Variants in ZSWIM6 observed in about 807,000 individuals in gnomAD.
ZSWIM6 encodes zinc finger SWIM domain-containing protein 6.
In ZSWIM6, 9 loss-of-function variants were observed where a neutral mutation model predicts 113.2. The observed-to-expected ratio is 0.08, with a 90% confidence interval of 0.05 to 0.14. The LOEUF is 0.14. Ranked by LOEUF, ZSWIM6 falls within the 10% of genes least tolerant of loss-of-function variation. ZSWIM6 has a pLI of 1.00. For missense variants in ZSWIM6, 1,162 were observed against 1,552.2 expected (o/e 0.75, Z 4.22); for synonymous variants, 611 against 606.5 (o/e 1.01, Z -0.11).
chr5:61,514,829 G>A (rs1001996366), intron 4 of ZSWIM6, among the ~76,000 whole-genome samples: 15 of 152,080 alleles, frequency 9.9e-5, no homozygotes, highest in African/African-American at 3.6e-4. Flanking sequence ...ATCTGCAGTT[G>A]AGCCTACTTG....
intron 1 of ZSWIM6, among the ~76,000 whole-genome samples, chr5:61,427,536 T>C (rs1424954709): frequency 1.3e-5 from 2 of 152,160 alleles, no homozygotes; most frequent in Admixed American, 1.3e-4. Flanking sequence ...TGGAGTGTAG[T>C]GGCATGTTTG....
rs572574425 is a variant in ZSWIM6, at chr5:61,495,916, TAGAG to T, written c.1333+1510_1333+1513del. Reference sequence around the variant, plus strand: ...ATGCAATTTAAAGAGCTTTGGTACTTAGAGAGACTTAGAATTACAAACGACTGTT... The same window carrying T: ...ATGCAATTTAAAGAGCTTTGGTACTTAGACTTAGAATTACAAACGACTGTT... On this transcript the variant is annotated intron_variant, in intron 4 of 13. Coordinates refer to ENST00000252744, the MANE Select transcript of ZSWIM6 (RefSeq NM_020928.2). 3.8e-3 allele frequency among the ~76,000 whole-genome samples: 574 copies of T among 152,240 alleles called. 1 individual carries two copies. Among genetic ancestry groups the T allele is most frequent in the African/African-American group, 0.013 (551 of 41,554 alleles).
At chr5:61,406,078 T>C (rs1746037666) in intron 1 of ZSWIM6, among the ~76,000 whole-genome samples, 1 of 152,198 alleles carries the variant, frequency 6.6e-6, no homozygotes, top group African/African-American at 2.4e-5. Context: ...CTCCCTGCTT[T>C]GGCAGAATTT....
At chr5:61,351,050 C>G (rs1744772946) in intron 1 of ZSWIM6, among the ~76,000 whole-genome samples, 1 of 152,106 alleles carries the variant, frequency 6.6e-6, no homozygotes, top group Non-Finnish European at 1.5e-5. Context: ...AAAAATCTGT[C>G]TCATTACCAT....
chr5:61,533,796 A>G (rs58760452), intron 9 of ZSWIM6, among the ~76,000 whole-genome samples: 2,249 of 152,316 alleles, frequency 0.015, 47 homozygotes, highest in African/African-American at 0.05. Flanking sequence ...ATAACAAAAT[A>G]CCACAGATTG....
chr5:61,443,086 A>G (rs1041546781), intron 1 of ZSWIM6, among the ~76,000 whole-genome samples: 2 of 152,170 alleles, frequency 1.3e-5, no homozygotes, highest in Admixed American at 6.5e-5. Flanking sequence ...GTCCAATGGC[A>G]CACTCTCCAA....
intron 1 of ZSWIM6, among the ~76,000 whole-genome samples, chr5:61,452,786 ACTAATATC>A (rs1747112257): frequency 6.6e-6 from 1 of 152,308 alleles, no homozygotes; most frequent in Admixed American, 6.5e-5. Context: ...CAGCATTTCC[ACTAATATC>A]CTTTTTCTCT....
intron 1 of ZSWIM6, among the ~76,000 whole-genome samples, chr5:61,458,646 G>A (rs907364059): frequency 1.3e-5 from 2 of 152,116 alleles, no homozygotes; most frequent in African/African-American, 4.8e-5. Context: ...GGGAGGCTGA[G>A]GCAGGTGGAT....
At chr5:61,356,752 T>A (rs947423360) in intron 1 of ZSWIM6, among the ~76,000 whole-genome samples, 14 of 138,730 alleles carry the variant, frequency 1.0e-4, no homozygotes, top group South Asian at 4.3e-4. Flanking sequence ...TATATATATA[T>A]TATATATAAT....
chr5:61,365,166 A>G (rs1201115446), intron 1 of ZSWIM6, among the ~76,000 whole-genome samples: 3 of 152,110 alleles, frequency 2.0e-5, no homozygotes, highest in Admixed American at 2.0e-4. Flanking sequence ...AGCCTGGCCA[A>G]CACGGTGAAA....
intron 10 of ZSWIM6, among the ~76,000 whole-genome samples, chr5:61,538,460 G>T (rs987754992): frequency 2.0e-5 from 3 of 152,100 alleles, no homozygotes; most frequent in Non-Finnish European, 4.4e-5. Context: ...TTCAAAATTT[G>T]TAGGTAAACA....
intron 1 of ZSWIM6, among the ~76,000 whole-genome samples, chr5:61,461,790 C>T (rs960089300): frequency 2.0e-5 from 3 of 152,086 alleles, no homozygotes; most frequent in Non-Finnish European, 4.4e-5. Flanking sequence ...GGAAAAAACA[C>T]TCCCCCCAAC....
At chr5:61,343,828 C>G (rs1744597950) in intron 1 of ZSWIM6, among the ~76,000 whole-genome samples, 1 of 150,840 alleles carries the variant, frequency 6.6e-6, no homozygotes, top group African/African-American at 2.4e-5. Context: ...TAGCCCTGTT[C>G]CTTTATGACT....
rs1182387694 is a variant in ZSWIM6 at position 61,526,369 on chromosome 5, T to C, written c.1810T>C (p.Leu604=). ...NTLRRQQQKQ[L]EMFRTQKKEL... ...ATTAAGACGACAGCAGCAGAAACAG[T>C]TGGAAATGTTCCGAACCCAAAAAAA... The change falls in exon 7 of 14, where the codon TTG becomes CTG. Residue 604 remains leucine, a synonymous_variant. Transcript: ENST00000252744. 1.2e-5 allele frequency: 19 copies of C among 1,552,044 alleles called. No homozygotes were observed. Among genetic ancestry groups the C allele is most frequent in the Middle Eastern group, 1.7e-4 (1 of 5,992 alleles).
chr5:61,486,958 T>A (rs188357416), intron 2 of ZSWIM6, among the ~76,000 whole-genome samples: 9 of 152,152 alleles, frequency 5.9e-5, no homozygotes, highest in Admixed American at 5.9e-4. Flanking sequence ...TCTCTATTTT[T>A]GTTTCTGTGC....
At chr5:61,509,581 T>G (rs1334641786) in intron 4 of ZSWIM6, among the ~76,000 whole-genome samples, 2 of 152,144 alleles carry the variant, frequency 1.3e-5, no homozygotes, top group Non-Finnish European at 2.9e-5. Flanking sequence ...GATTTGAAAA[T>G]TGCCAAAGCA....
chr5:61,479,798 G>C (rs1747807486), intron 2 of ZSWIM6, among the ~76,000 whole-genome samples: 1 of 152,162 alleles, frequency 6.6e-6, no homozygotes, highest in Admixed American at 6.5e-5. Flanking sequence ...CATTTCATAA[G>C]GTCAGGATGG....
intron 1 of ZSWIM6, among the ~76,000 whole-genome samples, chr5:61,333,323 G>A (rs1199055096): frequency 1.3e-5 from 2 of 151,474 alleles, no homozygotes; most frequent in Admixed American, 6.6e-5. Flanking sequence ...TCCGGCGAGG[G>A]TGTGTGTGGC....
At chr5:61,460,622 C>A (rs1356782527) in intron 1 of ZSWIM6, among the ~76,000 whole-genome samples, 1 of 152,080 alleles carries the variant, frequency 6.6e-6, no homozygotes, top group Non-Finnish European at 1.5e-5. Context: ...CTTGTTAACT[C>A]AAATTGTCCA....
Sources: gnomAD v4.1 joint callset for allele counts (sites outside exome capture counted in the v4.1 genomes callset) on GRCh38, gnomAD v4.1.1 for gene constraint, MANE v1.5 for transcripts, NCBI Gene and HGNC (gene_info 2026-07-23, HGNC 2026-07-21) for gene names.